The following CHD9 variants were observed in gnomAD, a reference collection of about 807,000 sequenced individuals.
The protein encoded by CHD9 is chromodomain helicase DNA binding protein 9, also known as ATP-dependent chromatin remodeler CHD9.
CHD9 carries 77 observed loss-of-function variants against 316.1 expected under a neutral mutation model. That is an observed-to-expected ratio of 0.24 (90% CI 0.20 to 0.29). CHD9 has a LOEUF of 0.29. Among genes scored for constraint, CHD9 ranks in the 10% least tolerant of loss-of-function variants. CHD9 has a pLI of 1.00. For missense variants in CHD9, 2,763 were observed against 3,438.1 expected, an observed-to-expected ratio of 0.80 and a Z score of 4.91; for synonymous variants, 1,129 against 1,158.3, an observed-to-expected ratio of 0.97 and a Z score of 0.51.
chr16:53,282,474 TG>T (rs1247859961), intron 24 of CHD9, among the ~76,000 whole-genome samples: 1 of 152,040 alleles, frequency 6.6e-6, no homozygotes, highest in Middle Eastern at 3.2e-3. Context: ...GGTGCGGTAG[TG>T]CATGCCTGTA....
At chr16:53,145,461 CT>C (rs1469025150) in intron 1 of CHD9, among the ~76,000 whole-genome samples, 1 of 151,292 alleles carries the variant, frequency 6.6e-6, no homozygotes, top group Admixed American at 6.6e-5. Flanking sequence ...AATCCCAGCA[CT>C]TTAGGAGGCT....
chr16:53,306,483 A>G, intron 32 of CHD9, 86 bp downstream of exon 32: 1 of 1,113,326 alleles, frequency 9.0e-7, no homozygotes, highest in Non-Finnish European at 1.2e-6. Flanking sequence ...ACTATGTGGA[A>G]ACATAGGTCA....
chr16:53,243,567 C>A (rs1279655889), intron 13 of CHD9, among the ~76,000 whole-genome samples: 1 of 152,214 alleles, frequency 6.6e-6, no homozygotes, highest in South Asian at 2.1e-4. Context: ...CCCGCCTCAG[C>A]CTCCAAAAGT....
chr16:53,183,940 T>C (rs72797684), intron 2 of CHD9, among the ~76,000 whole-genome samples: 36,233 of 147,360 alleles, frequency 0.25, 4,616 homozygotes, highest in Middle Eastern at 0.32. Context: ...ACCTGGCTAA[T>C]TTTTTTTTTT....
chr16:53,098,818 C>T (rs537335088), intron 1 of CHD9, among the ~76,000 whole-genome samples: 1 of 152,214 alleles, frequency 6.6e-6, no homozygotes, highest in Non-Finnish European at 1.5e-5. Context: ...GGCTGTTATT[C>T]TTATTTCCAA....
chr16:53,134,711 G>A (rs1055719486), intron 1 of CHD9, among the ~76,000 whole-genome samples: 1 of 152,120 alleles, frequency 6.6e-6, no homozygotes, highest in Non-Finnish European at 1.5e-5. Context: ...GAAACAGTTG[G>A]AAAGCTGATC....
rs545655292 is a variant in CHD9 at position 53,225,645 on chromosome 16, G to A, written c.1897-721G>A. The stretch of plus-strand genomic sequence containing the variant: ...TACTTTGTAAAAGGCTTAGTTTTGT[G>A]TGATGATAGTGATGTCTTTTATATT... On this transcript the variant is annotated intron_variant, in intron 4 of 38. Transcript: ENST00000447540. 4.7e-4 allele frequency among the ~76,000 whole-genome samples: 72 copies of A among 152,146 alleles called. 2 individuals carry two copies. In the South Asian group the frequency reaches 0.013, roughly 28 times the overall value.
chr16:53,308,291 T>A (rs1047066325), intron 33 of CHD9, among the ~76,000 whole-genome samples: 1 of 152,234 alleles, frequency 6.6e-6, no homozygotes, highest in Non-Finnish European at 1.5e-5. Context: ...TGCCCTGTTA[T>A]CAGTATTGTT....
intron 1 of CHD9, among the ~76,000 whole-genome samples, chr16:53,141,365 G>A (rs796390424): frequency 2.6e-5 from 4 of 152,234 alleles, no homozygotes; most frequent in African/African-American, 7.2e-5. Flanking sequence ...ATTCCTTTTT[G>A]ATGAAAATAG....
chr16:53,100,127 G>T (rs570221777), intron 1 of CHD9, among the ~76,000 whole-genome samples: 1 of 152,228 alleles, frequency 6.6e-6, no homozygotes, highest in Non-Finnish European at 1.5e-5. Context: ...ACGGGGAGAG[G>T]TGAGGAATTG....
At chr16:53,273,890 A>G in intron 23 of CHD9, 105 bp downstream of exon 23, 1 of 1,021,544 alleles carries the variant, frequency 9.8e-7, no homozygotes, top group Non-Finnish European at 1.4e-6. Flanking sequence ...AGCATGGTCT[A>G]GGGCCAATCC....
At chr16:53,056,032 TTACAACTAGTAA>T (rs1397377423) in intron 1 of CHD9, among the ~76,000 whole-genome samples, 4 of 152,152 alleles carry the variant, frequency 2.6e-5, no homozygotes, top group Non-Finnish European at 4.4e-5. Context: ...AAGGGCCCTT[TTACAACTAGTAA>T]AAATGAGCCC....
At chr16:53,254,703 C>G in intron 18 of CHD9, 98 bp downstream of exon 18, 1 of 1,063,042 alleles carries the variant, frequency 9.4e-7, no homozygotes, top group Non-Finnish European at 1.3e-6. Context: ...ATGCAGAATA[C>G]TAAACACATT....
intron 1 of CHD9, among the ~76,000 whole-genome samples, chr16:53,081,680 T>C (rs1567313879): frequency 6.6e-6 from 1 of 152,074 alleles, no homozygotes; most frequent in Non-Finnish European, 1.5e-5. Context: ...CTCAAACTCC[T>C]GGGCTCAAGC....
intron 4 of CHD9, 73 bp downstream of exon 4, chr16:53,222,828 A>G (rs986418175): frequency 7.2e-6 from 5 of 695,872 alleles, no homozygotes; most frequent in Non-Finnish European, 1.2e-5. Flanking sequence ...TGCCTTATAG[A>G]TATTTACACT....
intron 1 of CHD9, among the ~76,000 whole-genome samples, chr16:53,085,368 C>T (rs1038038046): frequency 4.6e-5 from 7 of 152,048 alleles, no homozygotes; most frequent in African/African-American, 1.4e-4. Context: ...CTTTGATCAT[C>T]TTACCCCCCA....
At chr16:53,192,384 A>C (rs1433162663) in intron 2 of CHD9, among the ~76,000 whole-genome samples, 1 of 152,232 alleles carries the variant, frequency 6.6e-6, no homozygotes, top group Non-Finnish European at 1.5e-5. Flanking sequence ...ATTAAGGGAA[A>C]GGAATAAATA....
intron 1 of CHD9, among the ~76,000 whole-genome samples, chr16:53,068,828 C>T (rs1433926783): frequency 6.6e-6 from 1 of 152,168 alleles, no homozygotes; most frequent in Non-Finnish European, 1.5e-5. Context: ...ATCCTGAATG[C>T]TAACTGGGCC....
Position 53,238,504 on chromosome 16 carries a change from A to G in CHD9, c.2795A>G (p.Asp932Gly). 3 of 1,613,218 alleles carry G rather than the reference A, an allele frequency of 1.9e-6. No individual in the cohort carries two copies. Among genetic ancestry groups the G allele is most frequent in the Non-Finnish European group, 2.5e-6 (3 of 1,179,400 alleles). Residue 932 changes from aspartate (D) to glycine (G), a missense_variant, in exon 12 of 39, where the codon GAT becomes GGT. Physicochemically the swap from Asp to Gly is moderately conservative, Grantham distance 94 (BLOSUM62 -1). Transcript: ENST00000447540. ...NWEREFRTWT[D>G]INVVVYHGSL... The stretch of plus-strand genomic sequence containing the variant: ...GAGAGAGAATTTCGTACGTGGACTG[A>G]TATTAACGTTGTGGTTTATCATGGG...
Sources: allele counts gnomAD v4.1 joint callset (sites outside exome capture counted in the v4.1 genomes callset), GRCh38; gene constraint gnomAD v4.1.1; transcripts MANE v1.5; gene names NCBI Gene and HGNC (gene_info 2026-07-23, HGNC 2026-07-21).